Variants in ALCAM observed in about 807,000 individuals in gnomAD.
ALCAM encodes CD166 antigen.
ALCAM carries 30 observed loss-of-function variants against 70.9 expected under a neutral mutation model. The ratio of observed to expected loss-of-function variants is 0.42; its 90% CI spans 0.32 to 0.57. The LOEUF is 0.57. Ranked by LOEUF, ALCAM falls within the 20% of genes least tolerant of loss-of-function variation. The pLI is 0.11. For synonymous variants in ALCAM, 249 were observed against 242.5 expected, an observed-to-expected ratio of 1.03 and a Z score of -0.25; for missense variants, 591 against 695.1, an observed-to-expected ratio of 0.85 and a Z score of 1.68.
intron 1 of ALCAM, among the ~76,000 whole-genome samples, chr3:105,480,184 T>C (rs998188631): frequency 2.6e-5 from 4 of 151,960 alleles, no homozygotes; most frequent in Non-Finnish European, 5.9e-5. Context: ...ACCCAGTCTG[T>C]ACTAAAAATA....
chr3:105,426,487 G>A (rs1936793952), intron 1 of ALCAM, among the ~76,000 whole-genome samples: 1 of 151,716 alleles, frequency 6.6e-6, no homozygotes, highest in Admixed American at 6.6e-5. Flanking sequence ...AACATTTATA[G>A]TTTCTTTATG....
rs1468122228 is a variant in ALCAM, at chr3:105,575,160, G to C, written c.*709G>C. 2 of 152,470 alleles carry C rather than the reference G, an allele frequency of 1.3e-5. No individual in the cohort carries two copies. Among genetic ancestry groups the C allele is most frequent in the African/African-American group, 4.8e-5 (2 of 41,400 alleles). 9.4% of individuals were successfully genotyped at this position (152,470 alleles called of 1,614,324 possible). A position where few individuals can be genotyped will look rare whatever the true frequency, so the allele number is the denominator to read the frequency against. ...TGACAATTTTACCTATTCTGAAAAA[G>C]ACATAAAACAGAATTTGGTAGCACT... On this transcript the variant is annotated 3_prime_UTR_variant, in exon 16 of 16. Transcript: ENST00000306107.
Position 105,552,495 on chromosome 3 carries a change from A to C in ALCAM, c.1574A>C (p.Gln525Pro), listed in dbSNP as rs766424395. ...SDENREKVND[Q>P]AKLIVGIVVG... ...GAAAACAGAGAAAAGGTGAATGACCAGGCAAAACTAATTGTGGGAATCGTT... is the reference window on the plus strand; with the variant it reads ...GAAAACAGAGAAAAGGTGAATGACCCGGCAAAACTAATTGTGGGAATCGTT... The change falls in exon 14 of 16, where the codon CAG becomes CCG. Residue 525 changes from glutamine (Q) to proline (P), a missense_variant. Around this residue, in one of 2 missense-constraint regions of ALCAM, gnomAD observed 164 missense variants for 244.7 expected, o/e 0.67. Transcript: ENST00000306107. 6.2e-7 allele frequency: 1 copy of C among 1,611,842 alleles called. No homozygotes were observed. Among genetic ancestry groups the C allele is most frequent in the South Asian group, 1.1e-5 (1 of 91,034 alleles).
chr3:105,399,745 C>T (rs1286777813), intron 1 of ALCAM, among the ~76,000 whole-genome samples: 2 of 152,052 alleles, frequency 1.3e-5, no homozygotes, highest in African/African-American at 2.4e-5. Context: ...ACCATGAAAA[C>T]CTGCCCTCCC....
chr3:105,414,498 G>A (rs190626547), intron 1 of ALCAM, among the ~76,000 whole-genome samples: 1 of 152,086 alleles, frequency 6.6e-6, no homozygotes, highest in African/African-American at 2.4e-5. Context: ...TGTCTGAATG[G>A]AGTGAATTGG....
intron 11 of ALCAM, among the ~76,000 whole-genome samples, 163 bp from the exon 12 acceptor site, chr3:105,549,963 AG>A (rs1261947372): frequency 2.0e-5 from 3 of 151,462 alleles, no homozygotes; most frequent in Non-Finnish European, 4.4e-5. Flanking sequence ...TAATCTTTGT[AG>A]ATATTGGCAT....
At chr3:105,552,946 A>G in intron 14 of ALCAM, 1 of 1,053,788 alleles carries the variant, frequency 9.5e-7, no homozygotes, top group South Asian at 3.1e-5. Context: ...TACCTAGTAC[A>G]TCTTGTAGGG....
At chr3:105,567,738 G>C (rs1034016757) in intron 14 of ALCAM, among the ~76,000 whole-genome samples, 3 of 151,772 alleles carry the variant, frequency 2.0e-5, no homozygotes, top group Non-Finnish European at 4.4e-5. Context: ...TAAAATTCTT[G>C]CCTGCTGATT....
At chr3:105,397,756 G>A (rs1250674031) in intron 1 of ALCAM, among the ~76,000 whole-genome samples, 3 of 151,878 alleles carry the variant, frequency 2.0e-5, no homozygotes, top group Non-Finnish European at 4.4e-5. Flanking sequence ...AATAAGAACT[G>A]AACCAATAAA....
At chr3:105,442,642 G>C (rs1399157031) in intron 1 of ALCAM, among the ~76,000 whole-genome samples, 1 of 151,820 alleles carries the variant, frequency 6.6e-6, no homozygotes, top group Non-Finnish European at 1.5e-5. Context: ...TTAGGCGGGC[G>C]TGGTGGCGGG....
At chr3:105,481,121 C>T (rs1194311834) in intron 1 of ALCAM, among the ~76,000 whole-genome samples, 1 of 151,894 alleles carries the variant, frequency 6.6e-6, no homozygotes, top group Non-Finnish European at 1.5e-5. Flanking sequence ...CATCAGCAGC[C>T]TTAGGGTGAA....
chr3:105,368,052 G>A (rs565591425), intron 1 of ALCAM, among the ~76,000 whole-genome samples: 1 of 151,888 alleles, frequency 6.6e-6, no homozygotes, highest in South Asian at 2.1e-4. Flanking sequence ...TACCCCCTGC[G>A]GTCCCCGTCC....
intron 14 of ALCAM, among the ~76,000 whole-genome samples, chr3:105,554,500 A>G (rs969426701): frequency 2.7e-4 from 41 of 152,108 alleles, no homozygotes; most frequent in African/African-American, 9.6e-4. Flanking sequence ...AGATACCCTC[A>G]CAGACACAGC....
chr3:105,455,217 G>A (rs561449761), intron 1 of ALCAM, among the ~76,000 whole-genome samples: 23 of 151,656 alleles, frequency 1.5e-4, no homozygotes, highest in South Asian at 1.3e-3. Context: ...CGAGGCGGGC[G>A]GATCACGAGG....
chr3:105,490,855 T>G (rs1938563853), intron 1 of ALCAM, among the ~76,000 whole-genome samples: 1 of 152,174 alleles, frequency 6.6e-6, no homozygotes, highest in South Asian at 2.1e-4. Context: ...CGGCACACAG[T>G]GCAAGCTGTG....
intron 1 of ALCAM, among the ~76,000 whole-genome samples, chr3:105,467,325 G>A (rs977555657): frequency 2.6e-5 from 4 of 150,990 alleles, no homozygotes; most frequent in Non-Finnish European, 4.5e-5. Flanking sequence ...TAGTTATTTC[G>A]TGAACATGGA....
At chr3:105,438,720 G>A (rs762538312) in intron 1 of ALCAM, among the ~76,000 whole-genome samples, 50 of 152,176 alleles carry the variant, frequency 3.3e-4, no homozygotes, top group Non-Finnish European at 6.5e-4. Context: ...TACAGATATT[G>A]TATAGAGACA....
At chr3:105,419,444 A>C (rs1235386246) in intron 1 of ALCAM, among the ~76,000 whole-genome samples, 1 of 151,840 alleles carries the variant, frequency 6.6e-6, no homozygotes, top group Non-Finnish European at 1.5e-5. Context: ...CTAGAGCACT[A>C]ATGGGAAAAT....
At chr3:105,532,622 G>A (rs929404736) in intron 4 of ALCAM, among the ~76,000 whole-genome samples, 1 of 151,984 alleles carries the variant, frequency 6.6e-6, no homozygotes, top group South Asian at 2.1e-4. Context: ...AAAATATATA[G>A]AGAGAATGAT....
Sources: gnomAD v4.1 joint callset for allele counts (sites outside exome capture counted in the v4.1 genomes callset) on GRCh38, gnomAD v4.1.1 for gene constraint, gnomAD v4.1.1 regional missense constraint, MANE v1.5 for transcripts, NCBI Gene and HGNC (gene_info 2026-07-23, HGNC 2026-07-21) for gene names.